Variants in YBX3 observed in about 807,000 individuals in gnomAD.
The protein encoded by YBX3 is Y-box-binding protein 3.
In YBX3, 29 loss-of-function variants were observed where a neutral mutation model predicts 42.4. The observed-to-expected ratio is 0.68, with a 90% CI of 0.51 to 0.93. The LOEUF (loss-of-function observed/expected upper bound fraction) is 0.93, where lower values mean the gene tolerates loss of function less well. Among genes scored for constraint, YBX3 ranks in the 40% least tolerant of loss-of-function variants. The pLI, the probability that YBX3 is intolerant of heterozygous loss-of-function variation, is 0.00. For missense variants in YBX3, 517 were observed against 527.5 expected (o/e 0.98, Z 0.19); for synonymous variants, 195 against 189.8 (o/e 1.03, Z -0.22).
chr12:10,702,707 T>C (rs1047311070), intron 7 of YBX3: 6 of 152,160 alleles, frequency 3.9e-5, no homozygotes, highest in Admixed American at 3.3e-4. Context: ...TATCAGGCCC[T>C]TTGATAAGCA....
At chr12:10,704,826 C>T in intron 6 of YBX3, among the ~76,000 whole-genome samples, 1 of 152,216 alleles carries the variant, frequency 6.6e-6, no homozygotes, top group Non-Finnish European at 1.5e-5. Context: ...CTATTCTCAT[C>T]AACTAGACAC....
chr12:10,709,221 A>AT (rs1948171132), intron 6 of YBX3, among the ~76,000 whole-genome samples: 1 of 152,218 alleles, frequency 6.6e-6, no homozygotes, highest in African/African-American at 2.4e-5. Context: ...GTGGCTACTG[A>AT]TAACAAAAAT....
At chr12:10,713,862 C>T (rs772591870) in intron 4 of YBX3, among the ~76,000 whole-genome samples, 6 of 152,226 alleles carry the variant, frequency 3.9e-5, no homozygotes, top group Admixed American at 1.3e-4. Flanking sequence ...ATTCTCCACA[C>T]ATGTAGTCCT....
At chr12:10,706,956 G>A (rs935936221) in intron 6 of YBX3, among the ~76,000 whole-genome samples, 10 of 152,256 alleles carry the variant, frequency 6.6e-5, no homozygotes, top group South Asian at 4.1e-4. Flanking sequence ...GATGGAGCTT[G>A]CAGTGAGCCG....
chr12:10,715,677 C>T lies in YBX3; in HGVS notation c.450+17G>A, dbSNP rs1591581632. 2 of 1,609,720 alleles carry T rather than the reference C, an allele frequency of 1.2e-6. No individual in the cohort carries two copies. The highest frequency in any genetic ancestry group is 2.7e-5 in the African/African-American group (2 of 74,916). ...TATGTGCCAGCACTTTGATACCCAACCACAATTTCCTCTCACCTTCTCTCC... is the reference window on the plus strand; with the variant it reads ...TATGTGCCAGCACTTTGATACCCAATCACAATTTCCTCTCACCTTCTCTCC... On this transcript the variant is annotated intron_variant, in intron 4 of 9. Transcript: ENST00000228251.
At position 10,723,153 on chromosome 12, in the gene YBX3, G is replaced by T. The variant is rs1591587215; in HGVS notation, c.-42C>A. On this transcript the variant is annotated 5_prime_UTR_variant, in exon 1 of 10. Coordinates refer to ENST00000228251, the MANE Select transcript of YBX3 (RefSeq NM_003651.5). ...CTCTCGCTCAGGCGCCTCGGTGGCGGTTGGTCGGCGGTTAGCGCGGCTGGT... is the reference window on the plus strand; with the variant it reads ...CTCTCGCTCAGGCGCCTCGGTGGCGTTTGGTCGGCGGTTAGCGCGGCTGGT... The T allele has an allele frequency of 8.4e-7, 1 of 1,190,068 alleles. No homozygotes were observed. The highest frequency in any genetic ancestry group is 3.6e-5 in the East Asian group (1 of 27,840). 73.7% of individuals were successfully genotyped at this position (1,190,068 alleles called of 1,614,324 possible).
intron 3 of YBX3, chr12:10,717,817 T>A: frequency 3.5e-6 from 1 of 286,714 alleles, no homozygotes; most frequent in Non-Finnish European, 6.4e-6. Context: ...TGCTAAGGAC[T>A]CAAAGGCTTT....
chr12:10,701,710 T>C (rs1441123686), intron 8 of YBX3, among the ~76,000 whole-genome samples: 1 of 152,198 alleles, frequency 6.6e-6, no homozygotes, highest in East Asian at 1.9e-4. Flanking sequence ...CCTCTCTTCT[T>C]TGAAGAACCC....
In YBX3 at chr12:10,723,317, T is replaced by C; in HGVS notation, c.-206A>G. 3 of 835,066 alleles carry C rather than the reference T, an allele frequency of 3.6e-6. No homozygotes were observed. Among genetic ancestry groups the C allele is most frequent in the Non-Finnish European group, 3.1e-6 (2 of 647,730 alleles). The allele number at this position is 835,066 out of a possible 1,614,324, so 51.7% of individuals were successfully genotyped here. On this transcript the variant is annotated 5_prime_UTR_variant, in exon 1 of 10. Transcript: ENST00000228251. Reference sequence around the variant, plus strand: ...GCTCTCTCTTGGGCTCCTCGCTCGATCTTACTGCCCCAAAAATGGCCCCGC... The same window carrying C: ...GCTCTCTCTTGGGCTCCTCGCTCGACCTTACTGCCCCAAAAATGGCCCCGC...
At position 10,722,997 on chromosome 12, in the gene YBX3, C is replaced by A; in HGVS notation, c.115G>T (p.Gly39Cys). Residue 39 changes from glycine (G) to cysteine (C), a missense_variant, in exon 1 of 10, where the codon GGT becomes TGT. Physicochemically the swap from Gly to Cys is radical, Grantham distance 159. Around this residue, in one of 3 missense-constraint regions of YBX3, gnomAD observed 86 missense variants for 82.5 expected, o/e 1.04. Coordinates refer to ENST00000228251, the MANE Select transcript of YBX3 (RefSeq NM_003651.5). ...DPAPKSPVGS[G>C]APQAAAPAPA... ...GCCGGGGCCGCGGCCTGGGGCGCAC[C>A]GCTGCCCACCGGGCTCTTGGGCGCG... 8.2e-7 allele frequency: 1 copy of A among 1,212,924 alleles called. No individual in the cohort carries two copies. The highest frequency in any genetic ancestry group is 1.0e-6 in the Non-Finnish European group (1 of 978,720). 75.1% of individuals were successfully genotyped at this position (1,212,924 alleles called of 1,614,324 possible).
At chr12:10,705,478 A>G (rs2120916537) in intron 6 of YBX3, among the ~76,000 whole-genome samples, 1 of 152,260 alleles carries the variant, frequency 6.6e-6, no homozygotes, top group African/African-American at 2.4e-5. Flanking sequence ...TTCACTAATG[A>G]TTAGATATTG....
intron 6 of YBX3, among the ~76,000 whole-genome samples, chr12:10,707,890 A>G (rs1026065912): frequency 6.6e-6 from 1 of 152,250 alleles, no homozygotes; most frequent in African/African-American, 2.4e-5. Flanking sequence ...ATTAACGTGT[A>G]TAAAGGATGA....
intron 3 of YBX3, 46 bp downstream of exon 3, chr12:10,718,042 C>T (rs756455706): frequency 7.2e-6 from 11 of 1,526,384 alleles, no homozygotes; most frequent in East Asian, 2.3e-5. Flanking sequence ...GAAGATTACA[C>T]ACCCTCTCCT....
intron 9 of YBX3, among the ~76,000 whole-genome samples, chr12:10,700,902 A>G (rs555194304): frequency 5.3e-4 from 80 of 152,226 alleles, no homozygotes; most frequent in Non-Finnish European, 9.3e-4. Flanking sequence ...TCTGATTACT[A>G]AACAGGTTCT....
At chr12:10,703,626 A>G (rs1475347004) in intron 7 of YBX3, 1 of 409,498 alleles carries the variant, frequency 2.4e-6, no homozygotes, top group Non-Finnish European at 4.8e-6. Context: ...TGAACTGTAG[A>G]GTAGGAAGAT....
chr12:10,708,593 T>C (rs930122276), intron 6 of YBX3, among the ~76,000 whole-genome samples: 1 of 152,180 alleles, frequency 6.6e-6, no homozygotes, highest in Non-Finnish European at 1.5e-5. Context: ...GTTTAAAGGA[T>C]CAAGACAACT....
chr12:10,711,429 T>G (rs1473097697), intron 5 of YBX3: 3 of 152,074 alleles, frequency 2.0e-5, no homozygotes, highest in African/African-American at 7.2e-5. Flanking sequence ...CTAGTCTAAC[T>G]TCAAAAAAAA....
At chr12:10,702,759 G>T (rs2120904018) in intron 7 of YBX3, 1 of 152,220 alleles carries the variant, frequency 6.6e-6, no homozygotes, top group Non-Finnish European at 1.5e-5. Flanking sequence ...GAGTAGTCTG[G>T]TATCTGCCTT....
At chr12:10,703,926 A>T (rs1948108819) in intron 7 of YBX3, 125 bp downstream of exon 7, 2 of 856,760 alleles carry the variant, frequency 2.3e-6, no homozygotes, top group East Asian at 2.6e-5. Flanking sequence ...AAACTCTGGC[A>T]TGTAGTCAAA....
Sources: gnomAD v4.1 joint callset for allele counts (sites outside exome capture counted in the v4.1 genomes callset) on GRCh38, gnomAD v4.1.1 for gene constraint, gnomAD v4.1.1 regional missense constraint, MANE v1.5 for transcripts, NCBI Gene and HGNC (gene_info 2026-07-23, HGNC 2026-07-21) for gene names.